The following ADCY2 variants were observed in gnomAD, a reference collection of about 807,000 sequenced individuals.
The protein encoded by ADCY2 is adenylate cyclase 2.
In ADCY2, 31 loss-of-function variants were observed where a neutral mutation model predicts 125.2. The observed-to-expected ratio is 0.25, with a 90% CI of 0.19 to 0.33. The LOEUF is 0.33. Ranked by LOEUF, ADCY2 falls within the 10% of genes least tolerant of loss-of-function variation. ADCY2 has a pLI of 1.00. For synonymous variants in ADCY2, 512 were observed against 548.4 expected (o/e 0.93, Z 0.93); for missense variants, 904 against 1,418.2 (o/e 0.64, Z 5.82).
intron 3 of ADCY2, among the ~76,000 whole-genome samples, chr5:7,574,498 G>A (rs1736182242): frequency 6.6e-6 from 1 of 152,142 alleles, no homozygotes; most frequent in Non-Finnish European, 1.5e-5. Context: ...CATGGCAATG[G>A]GCATGGAGTA....
intron 4 of ADCY2, among the ~76,000 whole-genome samples, chr5:7,675,620 C>G (rs1347019953): frequency 6.6e-6 from 1 of 152,206 alleles, no homozygotes; most frequent in Non-Finnish European, 1.5e-5. Context: ...GATATTAATT[C>G]CTTTAACCCT....
intron 3 of ADCY2, among the ~76,000 whole-genome samples, chr5:7,566,338 T>A (rs966725301): frequency 2.0e-5 from 3 of 151,878 alleles, no homozygotes; most frequent in Non-Finnish European, 4.4e-5. Flanking sequence ...TTAAAAAAAA[T>A]TAAAAAAATT....
At chr5:7,717,259 A>G in intron 12 of ADCY2, 22 bp downstream of exon 12, 1 of 1,522,168 alleles carries the variant, frequency 6.6e-7, no homozygotes, top group Non-Finnish European at 9.1e-7. Context: ...TTTCTCTTAA[A>G]TTATCTTTCA....
intron 2 of ADCY2, among the ~76,000 whole-genome samples, chr5:7,441,197 G>A (rs993759031): frequency 8.5e-5 from 13 of 152,188 alleles, no homozygotes; most frequent in Middle Eastern, 3.4e-3. Flanking sequence ...GAGTTGAGGC[G>A]TCCAGCAATG....
chr5:7,758,434 A>G (rs1743087089), intron 16 of ADCY2, among the ~76,000 whole-genome samples: 1 of 152,198 alleles, frequency 6.6e-6, no homozygotes. Flanking sequence ...TGGGAAATGC[A>G]GTGTTAGGAG....
chr5:7,824,418 A>G (rs116316247), intron 24 of ADCY2, among the ~76,000 whole-genome samples: 2,734 of 152,290 alleles, frequency 0.018, 92 homozygotes, highest in African/African-American at 0.063. Flanking sequence ...TTAAAATGCC[A>G]GTGACATTAG....
intron 3 of ADCY2, among the ~76,000 whole-genome samples, chr5:7,534,044 C>A (rs544453033): frequency 2.0e-5 from 3 of 152,182 alleles, no homozygotes; most frequent in African/African-American, 7.2e-5. Flanking sequence ...TCTCTGGAGT[C>A]CAGCCTCCTG....
intron 14 of ADCY2, among the ~76,000 whole-genome samples, chr5:7,733,876 G>T (rs1261392980): frequency 2.6e-5 from 4 of 152,094 alleles, no homozygotes; most frequent in Non-Finnish European, 5.9e-5. Flanking sequence ...CCACATCTCA[G>T]AACCTTCAAG....
At chr5:7,438,303 A>G (rs1038692092) in intron 2 of ADCY2, among the ~76,000 whole-genome samples, 1 of 152,262 alleles carries the variant, frequency 6.6e-6, no homozygotes. Context: ...CCCTGGAATT[A>G]GAGCAGGAAA....
intron 4 of ADCY2, among the ~76,000 whole-genome samples, chr5:7,628,587 T>C (rs1738207960): frequency 6.6e-6 from 1 of 152,106 alleles, no homozygotes. Context: ...ATAAAGAAAG[T>C]GAGAAGGGAC....
chr5:7,771,654 C>T (rs1743561627), intron 17 of ADCY2, among the ~76,000 whole-genome samples: 1 of 152,216 alleles, frequency 6.6e-6, no homozygotes, highest in South Asian at 2.1e-4. Context: ...CCCAACTTTT[C>T]TTTCTTCCTT....
At chr5:7,826,670 T>C (rs903964989) in intron 24 of ADCY2, 49 bp from the exon 25 acceptor site, 1 of 1,613,448 alleles carries the variant, frequency 6.2e-7, no homozygotes, top group African/African-American at 1.3e-5. Flanking sequence ...AGATGGGTTG[T>C]ATCAATGTAT....
At chr5:7,409,188 G>T (rs1474703446) in intron 1 of ADCY2, among the ~76,000 whole-genome samples, 1 of 152,060 alleles carries the variant, frequency 6.6e-6, no homozygotes, top group African/African-American at 2.4e-5. Flanking sequence ...ATGAGAACAC[G>T]TGGACACATA....
At chr5:7,741,139 T>C (rs1242234131) in intron 14 of ADCY2, among the ~76,000 whole-genome samples, 1 of 151,824 alleles carries the variant, frequency 6.6e-6, no homozygotes, top group East Asian at 1.9e-4. Flanking sequence ...CATTTGAAAA[T>C]CTAAATGAAA....
intron 14 of ADCY2, among the ~76,000 whole-genome samples, chr5:7,739,913 A>C (rs1742361954): frequency 6.6e-6 from 1 of 152,036 alleles, no homozygotes; most frequent in South Asian, 2.1e-4. Flanking sequence ...ATTTGTTTTA[A>C]AAATTTTTCC....
chr5:7,620,026 CT>C (rs1737903982), intron 3 of ADCY2, among the ~76,000 whole-genome samples: 1 of 152,160 alleles, frequency 6.6e-6, no homozygotes, highest in Non-Finnish European at 1.5e-5. Flanking sequence ...AGGCTTATCT[CT>C]TCCTGTTGGC....
At chr5:7,583,272 T>G (rs1369422070) in intron 3 of ADCY2, among the ~76,000 whole-genome samples, 1 of 152,078 alleles carries the variant, frequency 6.6e-6, no homozygotes, top group Non-Finnish European at 1.5e-5. Context: ...TTCTCAAGAT[T>G]ATTGTACATA....
At position 7,451,589 on chromosome 5, in the gene ADCY2, T is replaced by C. The variant is rs112168224; in HGVS notation, c.408+36819T>C. On this transcript the variant is annotated intron_variant, in intron 2 of 24. Transcript: ENST00000338316. ...GATTTATAATATTACAGAAATTTAG[T>C]TGATAAGGCAGTGACAGGATTTGAG... 1.6e-3 allele frequency among the ~76,000 whole-genome samples: 238 copies of C among 152,344 alleles called. 1 individual carries two copies. Among genetic ancestry groups the C allele is most frequent in the Non-Finnish European group, 3.0e-3 (204 of 68,028 alleles).
At chr5:7,695,905 C>A in intron 6 of ADCY2, 42 bp downstream of exon 6, 1 of 1,425,496 alleles carries the variant, frequency 7.0e-7, no homozygotes, top group Non-Finnish European at 9.7e-7. Context: ...GATTTCTAAA[C>A]TCTTGGTTTC....
Sources: allele counts gnomAD v4.1 joint callset (sites outside exome capture counted in the v4.1 genomes callset), GRCh38; gene constraint gnomAD v4.1.1; transcripts MANE v1.5; gene names NCBI Gene and HGNC (gene_info 2026-07-23, HGNC 2026-07-21).